Variants in KDM7A observed in about 807,000 individuals in gnomAD.
KDM7A encodes lysine-specific demethylase 7A.
Under a neutral mutation model 114.8 loss-of-function variants are expected in KDM7A, and 28 were observed. The observed-to-expected ratio is 0.24, with a 90% CI of 0.18 to 0.33. The LOEUF (loss-of-function observed/expected upper bound fraction) is 0.33, where lower values mean the gene tolerates loss of function less well. Ranked by LOEUF, KDM7A falls within the 10% of genes least tolerant of loss-of-function variation. The pLI, the probability that KDM7A is intolerant of heterozygous loss-of-function variation, is 1.00. For synonymous variants in KDM7A, 423 were observed against 397.8 expected (o/e 1.06, Z -0.75); for missense variants, 942 against 1,142.5 (o/e 0.82, Z 2.53).
intron 1 of KDM7A, among the ~76,000 whole-genome samples, chr7:140,169,987 A>C (rs1407007619): frequency 1.3e-5 from 2 of 152,252 alleles, no homozygotes; most frequent in African/African-American, 4.8e-5. Flanking sequence ...ATTCTATAAT[A>C]AACGGTCATA....
intron 1 of KDM7A, among the ~76,000 whole-genome samples, chr7:140,143,186 A>G (rs898910141): frequency 2.0e-5 from 3 of 151,854 alleles, no homozygotes; most frequent in African/African-American, 7.3e-5. Context: ...TCTCAAAAAA[A>G]AAAAAAAAAA....
chr7:140,091,317 C>T (rs375059942), intron 19 of KDM7A, 129 bp from the exon 20 acceptor site: 3 of 678,888 alleles, frequency 4.4e-6, no homozygotes, highest in Non-Finnish European at 8.0e-6. Flanking sequence ...CAGAGTCATA[C>T]TTCTGAACTT....
At chr7:140,123,295 G>A (rs772751896) in intron 7 of KDM7A, among the ~76,000 whole-genome samples, 2 of 152,164 alleles carry the variant, frequency 1.3e-5, no homozygotes, top group African/African-American at 2.4e-5. Flanking sequence ...GAAGTTAAAC[G>A]TAGTTAAACC....
At chr7:140,140,864 G>A (rs1794264459) in intron 1 of KDM7A, among the ~76,000 whole-genome samples, 1 of 152,026 alleles carries the variant, frequency 6.6e-6, no homozygotes, top group Non-Finnish European at 1.5e-5. Flanking sequence ...AGAATTAAAA[G>A]GCATAGGAAT....
At chr7:140,114,054 T>C (rs901750756) in intron 9 of KDM7A, among the ~76,000 whole-genome samples, 1 of 152,186 alleles carries the variant, frequency 6.6e-6, no homozygotes, top group African/African-American at 2.4e-5. Flanking sequence ...AAAGGGGGTG[T>C]AACTGTCACT....
Position 140,129,597 on chromosome 7 carries a change from T to C in KDM7A, c.455A>G (p.Glu152Gly). The C allele has an allele frequency of 6.2e-7, 1 of 1,611,118 alleles. No individual in the cohort carries two copies. Among genetic ancestry groups the C allele is most frequent in the Non-Finnish European group, 8.5e-7 (1 of 1,177,338 alleles). The change falls in exon 4 of 20, where the codon GAG becomes GGG. Residue 152 changes from glutamate to glycine, a missense_variant. This residue lies in a region of KDM7A where 318 missense variants were observed against 453.1 expected (regional missense o/e 0.70). Coordinates refer to ENST00000397560, the MANE Select transcript of KDM7A (RefSeq NM_030647.2). Reference protein sequence around the residue: ...HGSQLTQRYLEKHGFDVPIMV... With the variant: ...HGSQLTQRYLGKHGFDVPIMV... The stretch of plus-strand genomic sequence containing the variant: ...AATAGGGACATCAAATCCATGTTTC[T>C]CCAGATATCTTTGTGTCAGCTGGCT...
chr7:140,175,575 C>T (rs573018995), intron 1 of KDM7A, among the ~76,000 whole-genome samples: 1 of 152,246 alleles, frequency 6.6e-6, no homozygotes, highest in Non-Finnish European at 1.5e-5. Context: ...CCAACCCCAA[C>T]TAGTTTCTTT....
chr7:140,172,722 T>C (rs1794659877), intron 1 of KDM7A, among the ~76,000 whole-genome samples: 1 of 151,890 alleles, frequency 6.6e-6, no homozygotes, highest in African/African-American at 2.4e-5. Context: ...TGTACTTCTG[T>C]GAAATTAAAC....
At chr7:140,171,056 C>T (rs529457404) in intron 1 of KDM7A, among the ~76,000 whole-genome samples, 1,584 of 119,286 alleles carry the variant, frequency 0.013, 22 homozygotes, top group African/African-American at 0.056. Flanking sequence ...TACTGAGACC[C>T]CCATCCCCCA....
At chr7:140,099,240 G>A (rs558498921) in intron 13 of KDM7A, among the ~76,000 whole-genome samples, 8 of 152,160 alleles carry the variant, frequency 5.3e-5, no homozygotes, top group Non-Finnish European at 1.2e-4. Flanking sequence ...TGTTGCCCTG[G>A]CTGGAGTGCA....
rs74690553 is a variant in KDM7A, at chr7:140,146,849, C to T, written c.195-7659G>A. Among the ~76,000 whole-genome samples, 700 of 152,202 alleles carry T rather than the reference C, an allele frequency of 4.6e-3. 3 individuals are homozygous for T. The highest frequency in any genetic ancestry group is 6.9e-3 in the Admixed American group (106 of 15,282). ...GAACTGAATTGAATTAATGACTAACCGAAATTCCCTAGGATCAGCCAAACG... is the reference window on the plus strand; with the variant it reads ...GAACTGAATTGAATTAATGACTAACTGAAATTCCCTAGGATCAGCCAAACG... On this transcript the variant is annotated intron_variant, in intron 1 of 19. Coordinates refer to ENST00000397560, the MANE Select transcript of KDM7A (RefSeq NM_030647.2).
At chr7:140,119,089 A>G in intron 9 of KDM7A, 24 bp downstream of exon 9, 1 of 1,385,132 alleles carries the variant, frequency 7.2e-7, no homozygotes. Flanking sequence ...CATATCATAT[A>G]CAAACATGCA....
chr7:140,111,347 T>G (rs1818428248), intron 10 of KDM7A, among the ~76,000 whole-genome samples, 163 bp from the exon 11 acceptor site: 1 of 152,242 alleles, frequency 6.6e-6, no homozygotes, highest in Admixed American at 6.5e-5. Context: ...TAATGCCTTC[T>G]AAGGAGATTC....
chr7:140,133,681 A>G (rs761491271), intron 2 of KDM7A, 25 bp from the exon 3 acceptor site: 2 of 1,356,984 alleles, frequency 1.5e-6, no homozygotes, highest in South Asian at 2.4e-5. Flanking sequence ...GATTAAAAAA[A>G]AATGATTTTG....
At chr7:140,121,305 C>T (rs916330152) in intron 7 of KDM7A, among the ~76,000 whole-genome samples, 10 of 152,182 alleles carry the variant, frequency 6.6e-5, no homozygotes. Flanking sequence ...AAGACTTCAC[C>T]AGAAATAAAT....
At chr7:140,143,038 G>C (rs975252180) in intron 1 of KDM7A, among the ~76,000 whole-genome samples, 1 of 151,776 alleles carries the variant, frequency 6.6e-6, no homozygotes, top group African/African-American at 2.4e-5. Context: ...AAAATTAGCC[G>C]GGCGTGGTGG....
intron 2 of KDM7A, among the ~76,000 whole-genome samples, chr7:140,135,492 C>CAT (rs1818856031): frequency 2.0e-5 from 3 of 152,160 alleles, no homozygotes; most frequent in Non-Finnish European, 2.9e-5. Flanking sequence ...TGAGCCACTG[C>CAT]GCCCAGCCCA....
intron 6 of KDM7A, 96 bp downstream of exon 6, chr7:140,126,541 C>A (rs1429773198): frequency 3.0e-6 from 2 of 667,016 alleles, no homozygotes; most frequent in Non-Finnish European, 4.6e-6. Flanking sequence ...AAACTTCCCC[C>A]TTTACAAGTA....
intron 11 of KDM7A, among the ~76,000 whole-genome samples, chr7:140,103,363 T>C (rs1210330782): frequency 2.0e-5 from 3 of 152,130 alleles, no homozygotes. Context: ...GTGCACAACG[T>C]GCAGATTTGT....
Sources: allele counts gnomAD v4.1 joint callset (sites outside exome capture counted in the v4.1 genomes callset), GRCh38; gene constraint gnomAD v4.1.1; regional missense constraint gnomAD v4.1.1; transcripts MANE v1.5; gene names NCBI Gene and HGNC (gene_info 2026-07-23, HGNC 2026-07-21).